The following PDE7A variants were observed in gnomAD, a reference collection of about 807,000 sequenced individuals.
The protein encoded by PDE7A is phosphodiesterase 7A.
PDE7A carries 39 observed loss-of-function variants against 64.3 expected under a neutral mutation model. That is an observed-to-expected ratio of 0.61 (90% CI 0.47 to 0.79). The LOEUF (loss-of-function observed/expected upper bound fraction) is 0.79. Ranked by LOEUF, PDE7A falls within the 30% of genes least tolerant of loss-of-function variation. The pLI is 0.00. For synonymous variants in PDE7A, 203 were observed against 206.8 expected, an observed-to-expected ratio of 0.98 and a Z score of 0.16; for missense variants, 470 against 582.8, an observed-to-expected ratio of 0.81 and a Z score of 1.99.
chr8:65,730,171 C>CTTTTTTTTTTTTTTTTTTTTTTT lies in PDE7A; in HGVS notation c.697-2893_697-2871dup, dbSNP rs1179431555. 1.2e-4 allele frequency among the ~76,000 whole-genome samples: 10 copies of CTTTTTTTTTTTTTTTTTTTTTTT among 86,448 alleles called. 3 individuals are homozygous for CTTTTTTTTTTTTTTTTTTTTTTT. The highest frequency in any genetic ancestry group is 1.4e-4 in the African/African-American group (3 of 20,938). 56.7% of individuals were successfully genotyped at this position (86,448 alleles called of 152,430 possible). A position where few individuals can be genotyped will look rare whatever the true frequency, so the allele number is the denominator to read the frequency against. ...TGTGAGGGATCCAGGTTGCGCACTT[C>CTTTTTTTTTTTTTTTTTTTTTTT]TTTTTTTTTTTTTTTTTTTTTTTTT... On this transcript the variant is annotated intron_variant, in intron 7 of 12. Transcript: ENST00000401827.
At chr8:65,817,738 T>C (rs184586173) in intron 1 of PDE7A, among the ~76,000 whole-genome samples, 2 of 144,930 alleles carry the variant, frequency 1.4e-5, no homozygotes, top group African/African-American at 2.5e-5. Context: ...TTATATCTCA[T>C]CATATCAAGG....
Position 65,841,703 on chromosome 8 carries a change from C to A in PDE7A, c.-195G>T, listed in dbSNP as rs1451972632. On this transcript the variant is annotated 5_prime_UTR_variant, in exon 1 of 13. Transcript: ENST00000401827. ...CGCTCGGGCCGCCGGCGGGAAGGCTCCGCGGCGGCCGCGGCGCCAATTACC... is the reference window on the plus strand; with the variant it reads ...CGCTCGGGCCGCCGGCGGGAAGGCTACGCGGCGGCCGCGGCGCCAATTACC... The A allele has an allele frequency of 6.4e-6, 1 of 155,616 alleles. No individual in the cohort carries two copies. The highest frequency in any genetic ancestry group is 1.4e-5 in the Non-Finnish European group (1 of 71,394). The allele number at this position is 155,616 out of a possible 1,614,324, so 9.6% of individuals were successfully genotyped here. A position where few individuals can be genotyped will look rare whatever the true frequency, so the allele number is the denominator to read the frequency against.
At chr8:65,751,156 T>C (rs1476934756) in intron 3 of PDE7A, among the ~76,000 whole-genome samples, 1 of 152,252 alleles carries the variant, frequency 6.6e-6, no homozygotes, top group East Asian at 1.9e-4. Flanking sequence ...ACAGGAAGCC[T>C]ACACGTAACA....
chr8:65,769,742 AAAT>A (rs1440424353), intron 3 of PDE7A, among the ~76,000 whole-genome samples: 11 of 152,152 alleles, frequency 7.2e-5, no homozygotes, highest in Non-Finnish European at 1.2e-4. Flanking sequence ...CTGAAAATAC[AAAT>A]ATTAGCCGGG....
chr8:65,801,563 G>A (rs567952690), intron 1 of PDE7A, among the ~76,000 whole-genome samples: 4 of 151,708 alleles, frequency 2.6e-5, no homozygotes, highest in South Asian at 4.2e-4. Flanking sequence ...TCTTACTAAC[G>A]GAATACAATG....
intron 1 of PDE7A, among the ~76,000 whole-genome samples, chr8:65,794,691 T>C (rs974836693): frequency 3.9e-5 from 6 of 152,126 alleles, no homozygotes; most frequent in Non-Finnish European, 5.9e-5. Context: ...ACATATAACA[T>C]TGCAAAAGAG....
chr8:65,754,205 C>T (rs1412162136), intron 3 of PDE7A, among the ~76,000 whole-genome samples: 1 of 152,018 alleles, frequency 6.6e-6, no homozygotes, highest in Non-Finnish European at 1.5e-5. Flanking sequence ...TTTCTGCTTG[C>T]TTTATAGTCT....
chr8:65,762,993 G>A (rs1808585239), intron 3 of PDE7A, among the ~76,000 whole-genome samples: 3 of 20,592 alleles, frequency 1.5e-4, no homozygotes, highest in African/African-American at 6.0e-4. Context: ...TAAAAACAAT[G>A]TGTGTGTGTG....
At chr8:65,771,869 C>T (rs1038286579) in intron 3 of PDE7A, among the ~76,000 whole-genome samples, 3 of 123,030 alleles carry the variant, frequency 2.4e-5, no homozygotes, top group Non-Finnish European at 4.8e-5. Context: ...ATCGAGACTC[C>T]GAGACTCCAT....
intron 7 of PDE7A, among the ~76,000 whole-genome samples, chr8:65,734,157 C>T (rs970632297): frequency 2.0e-5 from 3 of 152,166 alleles, no homozygotes. Context: ...AGCCTTACCC[C>T]CAAAACTTGT....
chr8:65,788,208 T>C (rs965929367), intron 1 of PDE7A, among the ~76,000 whole-genome samples: 15 of 152,126 alleles, frequency 9.9e-5, no homozygotes, highest in African/African-American at 2.9e-4. Flanking sequence ...ATCATTTTTA[T>C]AGAAGAATAG....
At chr8:65,756,821 G>A (rs1442924971) in intron 3 of PDE7A, among the ~76,000 whole-genome samples, 1 of 151,152 alleles carries the variant, frequency 6.6e-6, no homozygotes, top group South Asian at 2.1e-4. Context: ...GTATTTTTTT[G>A]TTGGAAACTG....
intron 3 of PDE7A, among the ~76,000 whole-genome samples, chr8:65,750,752 TG>T (rs1807911000): frequency 6.6e-6 from 1 of 152,136 alleles, no homozygotes; most frequent in African/African-American, 2.4e-5. Context: ...TCTTATTTTC[TG>T]GGCAACTTCT....
At chr8:65,751,325 G>A (rs1585870177) in intron 3 of PDE7A, among the ~76,000 whole-genome samples, 1 of 152,218 alleles carries the variant, frequency 6.6e-6, no homozygotes. Context: ...AATATGTAAT[G>A]CATTCACGTT....
intron 1 of PDE7A, among the ~76,000 whole-genome samples, chr8:65,813,847 A>G (rs1050684757): frequency 2.0e-5 from 3 of 152,230 alleles, no homozygotes; most frequent in Non-Finnish European, 4.4e-5. Context: ...AGCATCTATT[A>G]TATCATCAAC....
chr8:65,787,498 G>A (rs1484142009), intron 1 of PDE7A, among the ~76,000 whole-genome samples: 1 of 152,148 alleles, frequency 6.6e-6, no homozygotes, highest in East Asian at 1.9e-4. Flanking sequence ...AGAAAAACAT[G>A]CTTGTACTTG....
intron 1 of PDE7A, among the ~76,000 whole-genome samples, chr8:65,832,031 A>G (rs182195474): frequency 6.6e-6 from 1 of 152,314 alleles, no homozygotes; most frequent in Admixed American, 6.5e-5. Flanking sequence ...TGGTATATAG[A>G]TATGTATGTA....
At chr8:65,749,668 T>C (rs949291903) in intron 3 of PDE7A, among the ~76,000 whole-genome samples, 6 of 152,190 alleles carry the variant, frequency 3.9e-5, no homozygotes, top group Admixed American at 1.3e-4. Flanking sequence ...AAAAGATAAA[T>C]AGTATGCCCC....
chr8:65,726,487 A>G (rs869151), intron 9 of PDE7A, among the ~76,000 whole-genome samples: 73,318 of 152,030 alleles, frequency 0.48, 18,717 homozygotes, highest in Non-Finnish European at 0.56. Flanking sequence ...TAATGAATCT[A>G]TTTAATGTAA....
Sources: allele counts gnomAD v4.1 joint callset (sites outside exome capture counted in the v4.1 genomes callset), GRCh38; gene constraint gnomAD v4.1.1; transcripts MANE v1.5; gene names NCBI Gene and HGNC (gene_info 2026-07-23, HGNC 2026-07-21).